The following CTNND2 variants were observed in gnomAD, a reference collection of about 807,000 sequenced individuals.
CTNND2 encodes catenin delta-2.
In CTNND2, 22 loss-of-function variants were observed where a neutral mutation model predicts 144.4. That is an observed-to-expected ratio of 0.15 (90% CI 0.11 to 0.22). The LOEUF (loss-of-function observed/expected upper bound fraction) is 0.22, where lower values mean the gene tolerates loss of function less well. CTNND2 is among the 10% of genes least tolerant of loss of function. CTNND2 has a pLI of 1.00. For synonymous variants in CTNND2, 751 were observed against 695.6 expected (o/e 1.08, Z -1.25); for missense variants, 1,353 against 1,618.8 (o/e 0.84, Z 2.82).
chr5:11,440,835 G>C (rs533565245), intron 3 of CTNND2, among the ~76,000 whole-genome samples: 1 of 152,124 alleles, frequency 6.6e-6, no homozygotes, highest in Non-Finnish European at 1.5e-5. Flanking sequence ...TAGAGTTATC[G>C]CTGAAGCTCT....
intron 12 of CTNND2, among the ~76,000 whole-genome samples, chr5:11,135,899 T>G (rs374519518): frequency 6.6e-5 from 10 of 152,342 alleles, no homozygotes; most frequent in African/African-American, 2.4e-4. Context: ...ATCATGGTGG[T>G]AGGTGGAGAT....
At chr5:11,142,683 G>A (rs559133986) in intron 12 of CTNND2, among the ~76,000 whole-genome samples, 6 of 147,088 alleles carry the variant, frequency 4.1e-5, no homozygotes, top group East Asian at 4.0e-4. Context: ...GCGCGATCTC[G>A]ACTCACTGCA....
chr5:11,335,171 T>C (rs1239653187), intron 9 of CTNND2, among the ~76,000 whole-genome samples: 1 of 152,220 alleles, frequency 6.6e-6, no homozygotes, highest in East Asian at 1.9e-4. Flanking sequence ...TTACTAGGAT[T>C]GTCAAACTTG....
At position 11,218,086 on chromosome 5, in the gene CTNND2, C is replaced by T. The variant is rs183655084; in HGVS notation, c.1762-18425G>A. On this transcript the variant is annotated intron_variant, in intron 10 of 21. Transcript: ENST00000304623. ...TTCCTCCTTCCTTCCTTTTCCTCTT[C>T]ATCTGTCTTTTTTCTTTTTTCTCTT... is the stretch of plus-strand genomic sequence containing the variant. 2.0e-5 allele frequency among the ~76,000 whole-genome samples: 3 copies of T among 149,658 alleles called. No homozygotes were observed. The East Asian group carries it at 6.0e-4, about 30-fold the overall frequency.
chr5:11,445,233 T>C (rs1453881187), intron 3 of CTNND2, among the ~76,000 whole-genome samples: 1 of 152,100 alleles, frequency 6.6e-6, no homozygotes, highest in African/African-American at 2.4e-5. Context: ...AATTTCTACC[T>C]CCTGTCATTA....
intron 16 of CTNND2, among the ~76,000 whole-genome samples, chr5:11,055,951 C>T (rs1241042081): frequency 1.3e-5 from 2 of 152,184 alleles, no homozygotes; most frequent in Non-Finnish European, 2.9e-5. Flanking sequence ...AGCTGATTTC[C>T]TGGCTGCAGA....
intron 9 of CTNND2, among the ~76,000 whole-genome samples, chr5:11,306,519 C>T (rs1750222821): frequency 6.6e-6 from 1 of 152,156 alleles, no homozygotes. Context: ...TGAAAAGATA[C>T]TGAAATCATC....
intron 9 of CTNND2, among the ~76,000 whole-genome samples, chr5:11,327,680 C>T (rs1752668062): frequency 6.6e-6 from 1 of 152,142 alleles, no homozygotes; most frequent in African/African-American, 2.4e-5. Flanking sequence ...AACGTCATAG[C>T]TTGGTTTCTA....
At chr5:11,342,895 C>A (rs1754417164) in intron 9 of CTNND2, among the ~76,000 whole-genome samples, 1 of 152,078 alleles carries the variant, frequency 6.6e-6, no homozygotes, top group African/African-American at 2.4e-5. Flanking sequence ...TGGTGTAGTA[C>A]CTACAAATAT....
At chr5:11,721,761 A>C (rs1407721298) in intron 2 of CTNND2, among the ~76,000 whole-genome samples, 1 of 152,240 alleles carries the variant, frequency 6.6e-6, no homozygotes, top group Non-Finnish European at 1.5e-5. Context: ...TGTTCACCTC[A>C]TGGTGACTGG....
chr5:11,886,546 A>T (rs1263087640), intron 1 of CTNND2, among the ~76,000 whole-genome samples: 1 of 152,218 alleles, frequency 6.6e-6, no homozygotes, highest in East Asian at 1.9e-4. Context: ...GTTTAGTATA[A>T]GTGTGTCCCA....
intron 11 of CTNND2, among the ~76,000 whole-genome samples, chr5:11,170,745 G>A (rs1269187619): frequency 6.6e-6 from 1 of 152,142 alleles, no homozygotes; most frequent in Non-Finnish European, 1.5e-5. Flanking sequence ...GTCTGATACT[G>A]TATTAGTCCA....
chr5:11,699,714 T>G (rs1378628037), intron 2 of CTNND2, among the ~76,000 whole-genome samples: 1 of 152,234 alleles, frequency 6.6e-6, no homozygotes, highest in Non-Finnish European at 1.5e-5. Context: ...CTTTAAATTC[T>G]TGCCACATAA....
At position 11,412,709 on chromosome 5, in the gene CTNND2, A is replaced by C. The variant is rs548565002; in HGVS notation, c.288-640T>G. 4.6e-5 allele frequency among the ~76,000 whole-genome samples: 7 copies of C among 152,304 alleles called. 1 individual carries two copies. In the South Asian group the frequency reaches 1.5e-3, roughly 32 times the overall value. ...ATAGGTAACAGATTTATTTTGAATG[A>C]CTTATTAAATACAAAATACATAGTT... On this transcript the variant is annotated intron_variant, in intron 3 of 21. Transcript: ENST00000304623.
chr5:11,307,304 A>AGTGTGTGTGT (rs3033112), intron 9 of CTNND2, among the ~76,000 whole-genome samples: 8 of 146,426 alleles, frequency 5.5e-5, no homozygotes, highest in Non-Finnish European at 6.0e-5. Flanking sequence ...AAGGTAGAGT[A>AGTGTGTGTGT]GTGTGTGTGT....
chr5:11,187,663 C>A (rs1444320312), intron 11 of CTNND2, among the ~76,000 whole-genome samples: 1 of 152,142 alleles, frequency 6.6e-6, no homozygotes, highest in African/African-American at 2.4e-5. Flanking sequence ...TCAGAGTGAA[C>A]AGGCAACCTA....
At chr5:11,059,875 T>C (rs1391542780) in intron 16 of CTNND2, among the ~76,000 whole-genome samples, 1 of 152,168 alleles carries the variant, frequency 6.6e-6, no homozygotes, top group Non-Finnish European at 1.5e-5. Context: ...TATATAGATA[T>C]ACCCATACAC....
At chr5:11,748,156 A>G (rs540787861) in intron 1 of CTNND2, among the ~76,000 whole-genome samples, 5 of 152,274 alleles carry the variant, frequency 3.3e-5, no homozygotes, top group Middle Eastern at 3.4e-3. Flanking sequence ...CCATTGACTT[A>G]GCAGTTTTTT....
intron 21 of CTNND2, among the ~76,000 whole-genome samples, chr5:10,981,264 C>T (rs1289490125): frequency 6.6e-6 from 1 of 152,186 alleles, no homozygotes; most frequent in Non-Finnish European, 1.5e-5. Context: ...AGTAGCAAGA[C>T]ACTACAATGC....
Sources: allele counts gnomAD v4.1 joint callset (sites outside exome capture counted in the v4.1 genomes callset), GRCh38; gene constraint gnomAD v4.1.1; transcripts MANE v1.5; gene names NCBI Gene and HGNC (gene_info 2026-07-23, HGNC 2026-07-21).